Variants in UTRN observed in about 807,000 individuals in gnomAD.
UTRN encodes the protein utrophin.
In UTRN, 283 loss-of-function variants were observed where a neutral mutation model predicts 463.9. The ratio of observed to expected loss-of-function variants is 0.61; its 90% CI spans 0.55 to 0.67. UTRN has a LOEUF of 0.67. Among genes scored for constraint, UTRN ranks in the 30% least tolerant of loss-of-function variants. The probability of loss-of-function intolerance (pLI) is 0.00; values close to 1 mark genes in which losing one functional copy is unlikely to be tolerated. For synonymous variants in UTRN, 1,442 were observed against 1,431.5 expected (o/e 1.01, Z -0.17); for missense variants, 3,922 against 4,084.3 (o/e 0.96, Z 1.08).
At chr6:144,439,516 G>A (rs1786921191) in intron 12 of UTRN, among the ~76,000 whole-genome samples, 1 of 150,918 alleles carries the variant, frequency 6.6e-6, no homozygotes, top group African/African-American at 2.5e-5. Context: ...TTTTTGAGAT[G>A]GAGTCTTGCT....
intron 49 of UTRN, 58 bp downstream of exon 49, chr6:144,554,951 A>G (rs953570382): frequency 5.8e-6 from 9 of 1,562,226 alleles, no homozygotes; most frequent in African/African-American, 4.1e-5. Context: ...CTTTTTTTCT[A>G]TTGTTCACTG....
chr6:144,718,722 T>G (rs1786775067), intron 53 of UTRN, among the ~76,000 whole-genome samples: 1 of 152,222 alleles, frequency 6.6e-6, no homozygotes, highest in Admixed American at 6.5e-5. Context: ...TAACATCTCC[T>G]CCTTCATTCA....
intron 26 of UTRN, among the ~76,000 whole-genome samples, chr6:144,480,737 A>G (rs1353436166): frequency 6.6e-6 from 1 of 152,214 alleles, no homozygotes; most frequent in Non-Finnish European, 1.5e-5. Flanking sequence ...TGGTGTTTTC[A>G]AAGCTTTTTT....
intron 41 of UTRN, among the ~76,000 whole-genome samples, chr6:144,530,008 A>G (rs932774361): frequency 6.6e-6 from 1 of 152,206 alleles, no homozygotes; most frequent in Non-Finnish European, 1.5e-5. Context: ...AGAAATCTCA[A>G]TAGCCCTCTG....
At position 144,479,823 on chromosome 6, in the gene UTRN, A is replaced by G; in HGVS notation, c.3348A>G (p.Gln1116=). The G allele has an allele frequency of 6.2e-7, 1 of 1,613,258 alleles. No homozygotes were observed. The highest frequency in any genetic ancestry group is 8.5e-7 in the Non-Finnish European group (1 of 1,179,704). The change falls in exon 26 of 75, where the codon CAA becomes CAG. Residue 1116 remains glutamine, a synonymous_variant. Transcript: ENST00000367545. ...CTTTTCCTTTGTAGATCGCTACTCA[A>G]AAAAGTAGGTTGTCTGAAAGTCAAG... is the stretch of plus-strand genomic sequence containing the variant. ...LEKLSKEIAT[Q]KSRLSESQEK...
At position 144,509,313 on chromosome 6, in the gene UTRN, T is replaced by C. The variant is rs373180125; in HGVS notation, c.4765-1631T>C. Among the ~76,000 whole-genome samples the C allele has an allele frequency of 1.5e-3, 226 of 152,216 alleles. 2 individuals carry two copies. Among genetic ancestry groups the C allele is most frequent in the African/African-American group, 5.1e-3 (214 of 41,566 alleles). Reference sequence around the variant, plus strand: ...ATGTAAAAATATACTTTTCGGTTTTTTTACAGAGTGCTTATTGTTGGTACA... The same window carrying C: ...ATGTAAAAATATACTTTTCGGTTTTCTTACAGAGTGCTTATTGTTGGTACA... On this transcript the variant is annotated intron_variant, in intron 34 of 74. Coordinates refer to ENST00000367545, the MANE Select transcript of UTRN (RefSeq NM_007124.3).
intron 17 of UTRN, among the ~76,000 whole-genome samples, chr6:144,450,333 T>G (rs1788141319): frequency 6.6e-6 from 1 of 152,200 alleles, no homozygotes; most frequent in Admixed American, 6.5e-5. Flanking sequence ...ACATCGTCAA[T>G]TGTCCCTCCC....
intron 13 of UTRN, among the ~76,000 whole-genome samples, chr6:144,442,589 C>T (rs1040293394): frequency 6.6e-6 from 1 of 151,974 alleles, no homozygotes; most frequent in Non-Finnish European, 1.5e-5. Context: ...GAGCAAGTCA[C>T]GATTTACATG....
intron 34 of UTRN, among the ~76,000 whole-genome samples, chr6:144,508,399 C>T (rs756472420): frequency 2.0e-4 from 31 of 152,302 alleles, no homozygotes; most frequent in Admixed American, 6.5e-4. Context: ...AGGGAATCTC[C>T]GGGTCTGTAG....
intron 2 of UTRN, among the ~76,000 whole-genome samples, chr6:144,350,071 C>T (rs1315173478): frequency 6.6e-6 from 1 of 152,184 alleles, no homozygotes; most frequent in Admixed American, 6.5e-5. Context: ...ACAGGCCAAA[C>T]TTTCTGTCTG....
chr6:144,414,497 A>T (rs188093536), intron 3 of UTRN, among the ~76,000 whole-genome samples: 1 of 152,348 alleles, frequency 6.6e-6, no homozygotes, highest in Admixed American at 6.5e-5. Context: ...AAATTAAAGA[A>T]ATTGAAAAAT....
At chr6:144,287,388 A>T (rs998169192) in intron 1 of UTRN, among the ~76,000 whole-genome samples, 9 of 152,074 alleles carry the variant, frequency 5.9e-5, no homozygotes, top group African/African-American at 2.2e-4. Flanking sequence ...AGTTCTTGGC[A>T]CTCACCGTTT....
intron 2 of UTRN, among the ~76,000 whole-genome samples, chr6:144,388,492 A>G (rs923877557): frequency 2.7e-5 from 4 of 149,930 alleles, no homozygotes; most frequent in Non-Finnish European, 5.9e-5. Context: ...TTATTTATTT[A>G]TTTATTTATT....
At chr6:144,358,579 C>T (rs1004369194) in intron 2 of UTRN, among the ~76,000 whole-genome samples, 1 of 152,092 alleles carries the variant, frequency 6.6e-6, no homozygotes, top group Non-Finnish European at 1.5e-5. Context: ...TTAATATTAA[C>T]CATCTTCTTC....
chr6:144,633,246 C>G (rs79838890), intron 51 of UTRN, among the ~76,000 whole-genome samples: 1 of 114,368 alleles, frequency 8.7e-6, no homozygotes, highest in African/African-American at 4.0e-5. Flanking sequence ...TTTTTTTTTC[C>G]TGAGACGGAG....
At chr6:144,661,872 G>A (rs368611983) in intron 51 of UTRN, among the ~76,000 whole-genome samples, 9 of 152,102 alleles carry the variant, frequency 5.9e-5, no homozygotes, top group Non-Finnish European at 7.4e-5. Context: ...GGTTATATTA[G>A]CATGTTTCCC....
chr6:144,514,045 A>G lies in UTRN; in HGVS notation c.5073+8A>G. 1 of 1,613,644 alleles carries G rather than the reference A, an allele frequency of 6.2e-7. No individual in the cohort carries two copies. Among genetic ancestry groups the G allele is most frequent in the Non-Finnish European group, 8.5e-7 (1 of 1,179,728 alleles). Reference sequence around the variant, plus strand: ...CAGGAAGAAATTGTGAAGGTAGCAAACACAGACATCAGTAACGCTTTTGGG... The same window carrying G: ...CAGGAAGAAATTGTGAAGGTAGCAAGCACAGACATCAGTAACGCTTTTGGG... On this transcript the variant is annotated splice_region_variant and intron_variant, in intron 36 of 74. Coordinates refer to ENST00000367545, the MANE Select transcript of UTRN (RefSeq NM_007124.3).
intron 2 of UTRN, among the ~76,000 whole-genome samples, chr6:144,391,935 C>T (rs58152229): frequency 0.013 from 1,988 of 152,260 alleles, 39 homozygotes; most frequent in African/African-American, 0.041. Flanking sequence ...CCACTGTGCC[C>T]GACAGCTCTG....
chr6:144,632,022 C>G (rs556106657), intron 51 of UTRN, among the ~76,000 whole-genome samples: 8 of 152,244 alleles, frequency 5.3e-5, no homozygotes, highest in African/African-American at 1.7e-4. Context: ...GCGCCAGGGT[C>G]CATCAAAAAT....
Sources: allele counts gnomAD v4.1 joint callset (sites outside exome capture counted in the v4.1 genomes callset), GRCh38; gene constraint gnomAD v4.1.1; transcripts MANE v1.5; gene names NCBI Gene and HGNC (gene_info 2026-07-23, HGNC 2026-07-21).